GRIK4: variants seen among roughly 807,000 people sequenced by gnomAD.
GRIK4 encodes the protein glutamate ionotropic receptor kainate type subunit 4, also known as glutamate receptor ionotropic, kainate 4.
In GRIK4, 40 loss-of-function variants were observed where a neutral mutation model predicts 104.9. The observed-to-expected ratio is 0.38, with a 90% CI of 0.30 to 0.50. The LOEUF (loss-of-function observed/expected upper bound fraction) is 0.50. Ranked by LOEUF, GRIK4 falls within the 20% of genes least tolerant of loss-of-function variation. The pLI is 0.93. For synonymous variants in GRIK4, 485 were observed against 524.9 expected (o/e 0.92, Z 1.04); for missense variants, 1,047 against 1,308.1 (o/e 0.80, Z 3.08).
intron 1 of GRIK4, among the ~76,000 whole-genome samples, chr11:120,639,789 C>T (rs150618853): frequency 6.6e-6 from 1 of 152,328 alleles, no homozygotes; most frequent in African/African-American, 2.4e-5. Context: ...AAACTCTTTT[C>T]AAATTGCAGT....
chr11:120,756,669 A>G (rs1951656179), intron 3 of GRIK4, among the ~76,000 whole-genome samples: 1 of 152,044 alleles, frequency 6.6e-6, no homozygotes, highest in Non-Finnish European at 1.5e-5. Context: ...CATCCTGTGG[A>G]TCTTCCATAT....
rs779270082 is a variant in GRIK4 at position 120,832,075 on chromosome 11, TC to T, written c.690+51del. The T allele has an allele frequency of 1.3e-5, 17 of 1,311,188 alleles. No homozygotes were observed. In the Admixed American group the frequency reaches 2.3e-4, roughly 18 times the overall value. The allele number at this position is 1,311,188 out of a possible 1,614,324, so 81.2% of individuals were successfully genotyped here. A position where few individuals can be genotyped will look rare whatever the true frequency, so the allele number is the denominator to read the frequency against. Reference sequence around the variant, plus strand: ...CCCCACCCCCTGCTGAGCTCCACCCTCCCCCCTCCTTGCCTTGAGGGTCCTC... The same window carrying T: ...CCCCACCCCCTGCTGAGCTCCACCCTCCCCCTCCTTGCCTTGAGGGTCCTC... On this transcript the variant is annotated intron_variant, in intron 7 of 20. Coordinates refer to ENST00000527524, the MANE Select transcript of GRIK4 (RefSeq NM_014619.5).
chr11:120,567,278 G>A (rs1358078782), intron 1 of GRIK4, among the ~76,000 whole-genome samples: 3 of 152,048 alleles, frequency 2.0e-5, no homozygotes, highest in Admixed American at 6.6e-5. Flanking sequence ...TCCCACCTCA[G>A]CCTCCCAAAT....
At chr11:120,863,876 T>A (rs747016730) in intron 9 of GRIK4, among the ~76,000 whole-genome samples, 37 of 152,138 alleles carry the variant, frequency 2.4e-4, no homozygotes, top group Non-Finnish European at 4.7e-4. Flanking sequence ...AAGGGGTAGC[T>A]AAGGAGGTCA....
chr11:120,743,922 G>T (rs547987627), intron 3 of GRIK4, among the ~76,000 whole-genome samples: 1 of 152,304 alleles, frequency 6.6e-6, no homozygotes, highest in South Asian at 2.1e-4. Flanking sequence ...GCTTTAATAT[G>T]TGAACTTCAA....
chr11:120,808,651 C>A (rs1565364940), intron 4 of GRIK4, among the ~76,000 whole-genome samples: 1 of 152,212 alleles, frequency 6.6e-6, no homozygotes, highest in Non-Finnish European at 1.5e-5. Context: ...CCTGTCTACT[C>A]CCAGAGAGTT....
intron 1 of GRIK4, among the ~76,000 whole-genome samples, chr11:120,545,851 G>A (rs1948080860): frequency 6.6e-6 from 1 of 152,246 alleles, no homozygotes; most frequent in African/African-American, 2.4e-5. Flanking sequence ...GACTGAGAAG[G>A]AGTTACTGAG....
chr11:120,730,004 C>T (rs1375028719), intron 3 of GRIK4, among the ~76,000 whole-genome samples: 2 of 152,162 alleles, frequency 1.3e-5, no homozygotes, highest in African/African-American at 4.8e-5. Context: ...TTCCCAGCAA[C>T]ATTTATTGAA....
chr11:120,545,421 A>G (rs544125306), intron 1 of GRIK4, among the ~76,000 whole-genome samples: 5 of 152,366 alleles, frequency 3.3e-5, no homozygotes, highest in South Asian at 2.1e-4. Context: ...GAAATTGCCA[A>G]CAATCCTACC....
chr11:120,724,764 T>C (rs1565316106), intron 3 of GRIK4, among the ~76,000 whole-genome samples: 1 of 152,266 alleles, frequency 6.6e-6, no homozygotes, highest in Non-Finnish European at 1.5e-5. Context: ...ATGTAACTAC[T>C]AAGTAAACTG....
At chr11:120,944,917 C>G (rs1004380879) in intron 14 of GRIK4, among the ~76,000 whole-genome samples, 15 of 151,378 alleles carry the variant, frequency 9.9e-5, no homozygotes, top group African/African-American at 3.4e-4. Flanking sequence ...GACATATACA[C>G]AATAAAGTGT....
intron 3 of GRIK4, among the ~76,000 whole-genome samples, chr11:120,753,025 G>T (rs1015449248): frequency 6.6e-6 from 1 of 152,226 alleles, no homozygotes; most frequent in Non-Finnish European, 1.5e-5. Flanking sequence ...TGGTCCTGAG[G>T]GAAGATGGTG....
intron 1 of GRIK4, among the ~76,000 whole-genome samples, chr11:120,556,469 G>A (rs917618878): frequency 2.0e-5 from 3 of 152,074 alleles, no homozygotes; most frequent in Non-Finnish European, 2.9e-5. Flanking sequence ...ACATGCATCC[G>A]GGAGGCAGCA....
At chr11:120,929,043 C>G (rs10892646) in intron 13 of GRIK4, among the ~76,000 whole-genome samples, 4 of 148,930 alleles carry the variant, frequency 2.7e-5, no homozygotes, top group African/African-American at 5.1e-5. Flanking sequence ...GTGTGTGTGT[C>G]TGTGTGTTGG....
At chr11:120,911,713 A>T (rs1259057968) in intron 13 of GRIK4, among the ~76,000 whole-genome samples, 1 of 150,666 alleles carries the variant, frequency 6.6e-6, no homozygotes, top group East Asian at 2.0e-4. Context: ...GTGGTGGTGC[A>T]TGCCTGTAAT....
chr11:120,914,829 A>T (rs1247231947), intron 13 of GRIK4, among the ~76,000 whole-genome samples: 4 of 152,172 alleles, frequency 2.6e-5, no homozygotes, highest in African/African-American at 9.7e-5. Flanking sequence ...CTAGCAGATG[A>T]GAGGGGGACG....
intron 3 of GRIK4, among the ~76,000 whole-genome samples, chr11:120,723,369 C>T (rs1283291438): frequency 1.3e-5 from 2 of 152,170 alleles, no homozygotes; most frequent in African/African-American, 2.4e-5. Context: ...GCTGATCGGC[C>T]TCCATTGAGC....
rs1391865826 is a variant in GRIK4, at chr11:120,524,090, C to A, written c.-159+12203C>A. 6.6e-6 allele frequency among the ~76,000 whole-genome samples: 1 copy of A among 152,098 alleles called. No individual in the cohort carries two copies. Among genetic ancestry groups the A allele is most frequent in the African/African-American group, 2.4e-5 (1 of 41,408 alleles). ...TACAGGCGCACACCACCATGCCTGG[C>A]TAATTTTTTGTATTTTAATAGAGAC... On this transcript the variant is annotated intron_variant, in intron 1 of 20. Transcript: ENST00000527524. This position sits in a 1 kb window ranked among gnomAD's most constrained non-coding sequence, Gnocchi z 4.5.
intron 1 of GRIK4, among the ~76,000 whole-genome samples, chr11:120,563,941 T>C (rs1948273923): frequency 6.6e-6 from 1 of 152,170 alleles, no homozygotes; most frequent in Admixed American, 6.5e-5. Context: ...GGCCTAAACA[T>C]TATTTTCCCA....
Sources: allele counts gnomAD v4.1 joint callset (sites outside exome capture counted in the v4.1 genomes callset), GRCh38; gene constraint gnomAD v4.1.1; non-coding constraint Gnocchi (gnomAD v3.1); transcripts MANE v1.5; gene names NCBI Gene and HGNC (gene_info 2026-07-23, HGNC 2026-07-21).